ZNF814: variants seen among roughly 807,000 people sequenced by gnomAD.
ZNF814 encodes zinc finger protein 814.
ZNF814 carries 5 observed loss-of-function variants against 7.5 expected under a neutral mutation model. The ratio of observed to expected loss-of-function variants is 0.67; its 90% CI spans 0.35 to 1.40. The LOEUF is 1.40. Ranked by LOEUF, ZNF814 falls within the 40% of genes most tolerant of loss-of-function variation. The pLI is 0.04. For synonymous variants in ZNF814, 315 were observed against 340.7 expected (o/e 0.92, Z 0.83); for missense variants, 962 against 1,018.0 (o/e 0.94, Z 0.75).
At chr19:57,891,547 A>G (rs2071734883), upstream of ZNF814, among the ~76,000 whole-genome samples, 2 of 148,598 alleles carry the variant, frequency 1.3e-5, no homozygotes, top group African/African-American at 5.0e-5. Context: ...AAATCAAGAA[A>G]TAACCATAAA....
At position 57,872,877 on chromosome 19, in the gene ZNF814, TTAAA is replaced by T. The variant is rs1167314244; in HGVS notation, c.2509_2512del (p.Phe837ThrfsTer75). On this transcript the variant is annotated frameshift_variant, in exon 3 of 3. Coordinates refer to ENST00000435989, the MANE Select transcript of ZNF814 (RefSeq NM_001144989.2). LOFTEE classifies it low-confidence loss of function (END_TRUNC). Reference sequence around the variant, plus strand: ...GTGTACAAGGAGGTGAGACTTCTTGTTAAATAATTTCCCACATTTCTCACATTTA... The same window carrying T: ...GTGTACAAGGAGGTGAGACTTCTTGTTAATTTCCCACATTTCTCACATTTA... The T allele has an allele frequency of 1.9e-5, 31 of 1,612,586 alleles. No homozygotes were observed. The highest frequency in any genetic ancestry group is 4.5e-5 in the East Asian group (2 of 44,784).
At chr19:57,902,450 A>G in the ZNF814 span, among the ~76,000 whole-genome samples, 1 of 152,174 alleles carries the variant, frequency 6.6e-6, no homozygotes, top group East Asian at 1.9e-4. Flanking sequence ...CTATTCCAAA[A>G]ATGATATCTC....
In ZNF814 at chr19:57,888,918, TC is replaced by T; in HGVS notation, c.-117del. Reference sequence around the variant, plus strand: ...GTCACGCTGGGCGCCGTCACAGAGCTCCAGAGTAGCCTCTGTGCAGCGGAGG... The same window carrying T: ...GTCACGCTGGGCGCCGTCACAGAGCTCAGAGTAGCCTCTGTGCAGCGGAGG... On this transcript the variant is annotated 5_prime_UTR_variant, in exon 1 of 3. Coordinates refer to ENST00000435989, the MANE Select transcript of ZNF814 (RefSeq NM_001144989.2). The T allele has an allele frequency of 8.7e-7, 1 of 1,155,338 alleles. No homozygotes were observed. 71.6% of individuals were successfully genotyped at this position (1,155,338 alleles called of 1,614,324 possible).
chr19:57,901,600 C>T, the ZNF814 span: 23 of 398,472 alleles, frequency 5.8e-5, no homozygotes, highest in African/African-American at 2.9e-4. Flanking sequence ...ACTCCCTATA[C>T]GAGTGATGGC....
At chr19:57,901,069 C>G in the ZNF814 span, among the ~76,000 whole-genome samples, 2 of 151,278 alleles carry the variant, frequency 1.3e-5, no homozygotes, top group Admixed American at 1.3e-4. Context: ...ATCTCCTGAC[C>G]TCGTGATCCG....
Position 57,870,507 on chromosome 19 carries a change from G to C in ZNF814, c.*2315C>G, listed in dbSNP as rs1334434397. On this transcript the variant is annotated 3_prime_UTR_variant, in exon 3 of 3. Coordinates refer to ENST00000435989, the MANE Select transcript of ZNF814 (RefSeq NM_001144989.2). Reference sequence around the variant, plus strand: ...TCCCTATCATCTTCCTCCTGTTAATGCAGGAATGACCTTGAGGAGAACAGC... The same window carrying C: ...TCCCTATCATCTTCCTCCTGTTAATCCAGGAATGACCTTGAGGAGAACAGC... The C allele has an allele frequency of 6.6e-6, 1 of 152,254 alleles. No homozygotes were observed. Among genetic ancestry groups the C allele is most frequent in the South Asian group, 2.1e-4 (1 of 4,820 alleles). 9.4% of individuals were successfully genotyped at this position (152,254 alleles called of 1,614,324 possible).
chr19:57,903,546 G>A, the ZNF814 span, among the ~76,000 whole-genome samples: 1 of 152,196 alleles, frequency 6.6e-6, no homozygotes, highest in Non-Finnish European at 1.5e-5. Flanking sequence ...CTAGTGGGCA[G>A]AGAGGAAAAT....
At chr19:57,883,276 T>G (rs772023237) in intron 1 of ZNF814, among the ~76,000 whole-genome samples, 9 of 150,406 alleles carry the variant, frequency 6.0e-5, no homozygotes, top group Admixed American at 1.3e-4. Flanking sequence ...GAGAATGGCA[T>G]GAACCCCAGG....
intron 1 of ZNF814, among the ~76,000 whole-genome samples, chr19:57,882,851 C>T (rs1309065239): frequency 1.3e-5 from 2 of 151,362 alleles, no homozygotes; most frequent in East Asian, 3.9e-4. Context: ...TGCCCAGACA[C>T]TGATGAACAT....
At position 57,873,547 on chromosome 19, in the gene ZNF814, G is replaced by A. The variant is rs1233484429; in HGVS notation, c.1843C>T (p.His615Tyr). 11 of 1,613,976 alleles carry A rather than the reference G, an allele frequency of 6.8e-6. No homozygotes were observed. Among genetic ancestry groups the A allele is most frequent in the Non-Finnish European group, 8.5e-6 (10 of 1,179,974 alleles). The change falls in exon 3 of 3, where the codon CAT (histidine) becomes TAT (tyrosine). Residue 615 changes from histidine (H) to tyrosine (Y), a missense_variant. His to Tyr is a moderately conservative substitution (Grantham distance 83). This residue lies in a region of ZNF814 where 665 missense variants were observed against 551.4 expected (regional missense o/e 1.21). Transcript: ENST00000435989. ...ECGECGKSFS[H>Y]KRSLVHHQRM... Reference sequence around the variant, plus strand: ...TGATGGTGAACAAGGCTGCGCTTATGACTAAAAGATTTCCCACATTCTCCA... The same window carrying A: ...TGATGGTGAACAAGGCTGCGCTTATAACTAAAAGATTTCCCACATTCTCCA...
chr19:57,878,027 G>A (rs148960519), intron 1 of ZNF814, among the ~76,000 whole-genome samples: 5 of 151,838 alleles, frequency 3.3e-5, no homozygotes, highest in South Asian at 4.2e-4. Flanking sequence ...TTAGCTGAGC[G>A]TGGTGTCGGG....
the ZNF814 span, chr19:57,901,656 C>T: frequency 1.5e-5 from 6 of 397,338 alleles, no homozygotes; most frequent in East Asian, 7.2e-5. Context: ...AGAATACTCA[C>T]CAGGCAGACC....
intron 1 of ZNF814, among the ~76,000 whole-genome samples, chr19:57,877,732 C>T (rs570711564): frequency 1.9e-4 from 29 of 152,272 alleles, no homozygotes; most frequent in African/African-American, 1.4e-4. Context: ...TGAGGCACCG[C>T]GCCCAGCCAG....
Position 57,873,993 on chromosome 19 carries a change from C to A in ZNF814, c.1397G>T (p.Cys466Phe). Residue 466 changes from cysteine (C) to phenylalanine (F), a missense_variant, in exon 3 of 3, where the codon TGT becomes TTT. Cys to Phe is a radical substitution (Grantham distance 205, BLOSUM62 -2). Coordinates refer to ENST00000435989, the MANE Select transcript of ZNF814 (RefSeq NM_001144989.2). ...ACTGAAAGATTTCACACATTCTCCACACTTGAAAGGTCTTTCTCCGGCGTG... is the reference window on the plus strand; with the variant it reads ...ACTGAAAGATTTCACACATTCTCCAAACTTGAAAGGTCTTTCTCCGGCGTG... ...RVHAGERPFK[C>F]GECVKSFSHK... The A allele has an allele frequency of 6.2e-7, 1 of 1,614,120 alleles. No homozygotes were observed. Among genetic ancestry groups the A allele is most frequent in the Non-Finnish European group, 8.5e-7 (1 of 1,180,000 alleles).
chr19:57,900,932 C>T, the ZNF814 span, among the ~76,000 whole-genome samples: 21 of 143,378 alleles, frequency 1.5e-4, no homozygotes, highest in African/African-American at 4.9e-4. Context: ...CTGCAAGCTC[C>T]GCCTCCCGGG....
chr19:57,905,047 CAAAAAAA>C, the ZNF814 span, among the ~76,000 whole-genome samples: 2 of 53,430 alleles, frequency 3.7e-5, no homozygotes, highest in Non-Finnish European at 6.5e-5. Flanking sequence ...AACTCCGTCT[CAAAAAAA>C]AAAAAAAAAA....
chr19:57,897,038 C>G, the ZNF814 span, among the ~76,000 whole-genome samples: 3 of 152,194 alleles, frequency 2.0e-5, no homozygotes, highest in Non-Finnish European at 2.9e-5. Flanking sequence ...ATAAATGTTA[C>G]AGGAGAAAAA....
At position 57,872,421 on chromosome 19, in the gene ZNF814, G is replaced by T; in HGVS notation, c.*401C>A. On this transcript the variant is annotated 3_prime_UTR_variant, in exon 3 of 3. Coordinates refer to ENST00000435989, the MANE Select transcript of ZNF814 (RefSeq NM_001144989.2). The stretch of plus-strand genomic sequence containing the variant: ...ATATCTCACATGTCACACTGGTAAG[G>T]CCCTGATCCAGTGTTAACTCTGATC... 1 of 292,556 alleles carries T rather than the reference G, an allele frequency of 3.4e-6. No individual in the cohort carries two copies. Among genetic ancestry groups the T allele is most frequent in the Non-Finnish European group, 6.4e-6 (1 of 156,900 alleles). The allele number at this position is 292,556 out of a possible 1,614,324, so 18.1% of individuals were successfully genotyped here. A position where few individuals can be genotyped will look rare whatever the true frequency, so the allele number is the denominator to read the frequency against.
chr19:57,903,507 CAG>C, the ZNF814 span, among the ~76,000 whole-genome samples: 1 of 152,048 alleles, frequency 6.6e-6, no homozygotes, highest in Admixed American at 6.6e-5. Context: ...TAGAATGAAA[CAG>C]AACACCAATG....
Sources: allele counts gnomAD v4.1 joint callset (sites outside exome capture counted in the v4.1 genomes callset), GRCh38; gene constraint gnomAD v4.1.1; regional missense constraint gnomAD v4.1.1; transcripts MANE v1.5; gene names NCBI Gene and HGNC (gene_info 2026-07-23, HGNC 2026-07-21).